Variants in TMEM260 observed in about 807,000 individuals in gnomAD.
TMEM260 encodes the protein protein O-mannosyl-transferase TMEM260.
In TMEM260, 82 loss-of-function variants were observed where a neutral mutation model predicts 88.9. The observed-to-expected ratio is 0.92, with a 90% confidence interval of 0.77 to 1.11. The LOEUF is 1.11. Among genes scored for constraint, TMEM260 ranks in the 50% least tolerant of loss-of-function variants. The pLI, the probability that TMEM260 is intolerant of heterozygous loss-of-function variation, is 0.00. For missense variants in TMEM260, 902 were observed against 853.4 expected, an observed-to-expected ratio of 1.06 and a Z score of -0.71; for synonymous variants, 314 against 309.3, an observed-to-expected ratio of 1.02 and a Z score of -0.16.
intron 5 of TMEM260, among the ~76,000 whole-genome samples, chr14:56,608,653 A>G (rs888811599): frequency 5.3e-5 from 8 of 151,970 alleles, no homozygotes; most frequent in African/African-American, 1.2e-4. Context: ...ATAATTGTCA[A>G]CATATAATCA....
At chr14:56,650,307 A>C (rs900862519), downstream of TMEM260, 8 of 298,830 alleles carry the variant, frequency 2.7e-5, no homozygotes, top group African/African-American at 1.8e-4. Flanking sequence ...CACATGCGTC[A>C]GGGCCCTGCC....
chr14:56,582,523 C>T lies in TMEM260; in HGVS notation c.160+2449C>T, dbSNP rs115482119. On this transcript the variant is annotated intron_variant, in intron 1 of 15. Coordinates refer to ENST00000261556, the MANE Select transcript of TMEM260 (RefSeq NM_017799.4). ...AAAGGTTAAGCATCTGCTGACAACT[C>T]TGGGCTTGCCATTAGTTTGTATTGC... Among the ~76,000 whole-genome samples the T allele has an allele frequency of 5.9e-3, 896 of 152,286 alleles. 9 individuals carry two copies. Among genetic ancestry groups the T allele is most frequent in the African/African-American group, 0.021 (862 of 41,556 alleles).
intron 4 of TMEM260, among the ~76,000 whole-genome samples, chr14:56,604,746 C>G (rs1886790989): frequency 6.6e-6 from 1 of 152,100 alleles, no homozygotes; most frequent in African/African-American, 2.4e-5. Flanking sequence ...ATAGGGACAA[C>G]TGCAATGGGG....
Position 56,647,591 on chromosome 14 carries a change from T to G in TMEM260, c.*94T>G. ...TCAAGAAAAGAAACTGCATAAAAAA[T>G]TTAAAACTAAGTCATCTCCCAGATA... On this transcript the variant is annotated 3_prime_UTR_variant, in exon 16 of 16. Transcript: ENST00000261556. 1 of 1,387,804 alleles carries G rather than the reference T, an allele frequency of 7.2e-7. No homozygotes were observed. The allele number at this position is 1,387,804 out of a possible 1,614,324, so 86.0% of individuals were successfully genotyped here. A position where few individuals can be genotyped will look rare whatever the true frequency, so the allele number is the denominator to read the frequency against.
chr14:56,596,990 G>T (rs117507329), intron 3 of TMEM260, among the ~76,000 whole-genome samples: 18 of 151,692 alleles, frequency 1.2e-4, no homozygotes, highest in Non-Finnish European at 2.6e-4. Flanking sequence ...AATAAATATA[G>T]AAAGATCTAT....
chr14:56,639,295 TAACTA>T (rs1889379767), intron 15 of TMEM260, among the ~76,000 whole-genome samples: 1 of 150,894 alleles, frequency 6.6e-6, no homozygotes, highest in Non-Finnish European at 1.5e-5. Context: ...CATTTAAAAA[TAACTA>T]AAAGAGTATA....
chr14:56,627,218 A>G (rs1298091581), intron 12 of TMEM260, among the ~76,000 whole-genome samples: 2 of 152,170 alleles, frequency 1.3e-5, no homozygotes, highest in African/African-American at 4.8e-5. Flanking sequence ...ATTTAATATC[A>G]GTTTTTAAAA....
At position 56,579,847 on chromosome 14, in the gene TMEM260, T is replaced by G. The variant is rs1594798486; in HGVS notation, c.-68T>G. On this transcript the variant is annotated 5_prime_UTR_variant, in exon 1 of 16. Transcript: ENST00000261556. Reference sequence around the variant, plus strand: ...GCACAAGCTGCGCTCGTCTCTCGGCTGGGGAGCTCCGTGTCGCACCGGGTT... The same window carrying G: ...GCACAAGCTGCGCTCGTCTCTCGGCGGGGGAGCTCCGTGTCGCACCGGGTT... The G allele has an allele frequency of 1.6e-6, 2 of 1,214,692 alleles. No individual in the cohort carries two copies. The highest frequency in any genetic ancestry group is 1.0e-6 in the Non-Finnish European group (1 of 972,986). 75.2% of individuals were successfully genotyped at this position (1,214,692 alleles called of 1,614,324 possible). A position where few individuals can be genotyped will look rare whatever the true frequency, so the allele number is the denominator to read the frequency against.
chr14:56,609,639 C>G (rs1452336211), intron 6 of TMEM260, among the ~76,000 whole-genome samples: 1 of 152,060 alleles, frequency 6.6e-6, no homozygotes, highest in Non-Finnish European at 1.5e-5. Context: ...GAAAAAAAAT[C>G]CTCAATTTAA....
At chr14:56,604,536 T>G (rs1051802734) in intron 4 of TMEM260, among the ~76,000 whole-genome samples, 1 of 152,176 alleles carries the variant, frequency 6.6e-6, no homozygotes, top group African/African-American at 2.4e-5. Context: ...AGTCTATACA[T>G]TGGGAAATGC....
intron 15 of TMEM260, among the ~76,000 whole-genome samples, chr14:56,645,146 A>G (rs1276046660): frequency 2.0e-5 from 3 of 151,190 alleles, no homozygotes; most frequent in African/African-American, 2.4e-5. Context: ...ATTACTGGGT[A>G]TATACCCAAA....
chr14:56,654,380 A>G (rs1890262687), downstream of TMEM260, among the ~76,000 whole-genome samples: 1 of 152,180 alleles, frequency 6.6e-6, no homozygotes, highest in African/African-American at 2.4e-5. Context: ...TCTTAAGTAG[A>G]CATCAAAACA....
At position 56,606,726 on chromosome 14, in the gene TMEM260, T is replaced by A. The variant is rs950947563; in HGVS notation, c.636+1043T>A. ...GGGCAACACGGTGAAAGTCTGTCTC[T>A]ACTAAAAATACAAAAAAAAGTAGCT... On this transcript the variant is annotated intron_variant, in intron 5 of 15. Coordinates refer to ENST00000261556, the MANE Select transcript of TMEM260 (RefSeq NM_017799.4). Among the ~76,000 whole-genome samples, 5 of 152,144 alleles carry A rather than the reference T, an allele frequency of 3.3e-5. 1 individual carries two copies. Among genetic ancestry groups the A allele is most frequent in the East Asian group, 1.9e-4 (1 of 5,164 alleles).
At chr14:56,580,189 C>G in intron 1 of TMEM260, 115 bp downstream of exon 1, 6 of 827,680 alleles carry the variant, frequency 7.2e-6, no homozygotes, top group Non-Finnish European at 9.7e-6. Flanking sequence ...GGGCCTCCAT[C>G]CACCCCCCTG....
downstream of TMEM260, among the ~76,000 whole-genome samples, chr14:56,654,710 A>T (rs139653603): frequency 6.9e-6 from 1 of 144,076 alleles, no homozygotes; most frequent in East Asian, 2.2e-4. Flanking sequence ...GCTACTTGGG[A>T]GGCTGAGGCA....
Position 56,603,970 on chromosome 14 carries a change from CA to C in TMEM260, c.502del (p.Thr168LeufsTer8). 6.3e-7 allele frequency: 1 copy of C among 1,592,872 alleles called. No individual in the cohort carries two copies. The highest frequency in any genetic ancestry group is 8.5e-7 in the Non-Finnish European group (1 of 1,172,966). On this transcript the variant is annotated frameshift_variant, in exon 4 of 16. Transcript: ENST00000261556. LOFTEE classifies it high-confidence loss of function. ...MALTVHFEEA[A>X]TAKERSKVAK... Reference sequence around the variant, plus strand: ...CTTACTGTACATTTTGAGGAAGCAGCAACTGCTAAGGAGAGATCAAAGGTAA... The same window carrying C: ...CTTACTGTACATTTTGAGGAAGCAGCACTGCTAAGGAGAGATCAAAGGTAA...
intron 11 of TMEM260, among the ~76,000 whole-genome samples, chr14:56,622,518 A>G (rs974140407): frequency 2.6e-5 from 4 of 152,128 alleles, no homozygotes; most frequent in Non-Finnish European, 5.9e-5. Flanking sequence ...TAATTATGCT[A>G]TAGAATTTTT....
At chr14:56,585,982 AT>A (rs369953492) in intron 3 of TMEM260, 70 bp downstream of exon 3, 15 of 1,480,798 alleles carry the variant, frequency 1.0e-5, no homozygotes, top group Middle Eastern at 1.8e-4. Context: ...GCTCAAGTAC[AT>A]ACATTAAAAA....
intron 3 of TMEM260, among the ~76,000 whole-genome samples, chr14:56,599,489 A>G (rs1886438066): frequency 6.6e-6 from 1 of 152,138 alleles, no homozygotes. Flanking sequence ...GAATTTTTCC[A>G]TAACAGATGT....
Sources: allele counts gnomAD v4.1 joint callset (sites outside exome capture counted in the v4.1 genomes callset), GRCh38; gene constraint gnomAD v4.1.1; transcripts MANE v1.5; gene names NCBI Gene and HGNC (gene_info 2026-07-23, HGNC 2026-07-21).